Variants in DENND4A observed in about 807,000 individuals in gnomAD.
The protein encoded by DENND4A is DENN domain containing 4A.
Under a neutral mutation model 199.3 loss-of-function variants are expected in DENND4A, and 70 were observed. The ratio of observed to expected loss-of-function variants is 0.35; its 90% CI spans 0.29 to 0.43. DENND4A has a LOEUF of 0.43. Ranked by LOEUF, DENND4A falls within the 20% of genes least tolerant of loss-of-function variation. DENND4A has a pLI of 1.00. For missense variants in DENND4A, 1,723 were observed against 2,255.8 expected (o/e 0.76, Z 4.78); for synonymous variants, 686 against 766.9 (o/e 0.89, Z 1.74).
chr15:65,729,559 G>A lies in DENND4A; in HGVS notation c.1286C>T (p.Thr429Ile). The change falls in exon 10 of 33, where the codon ACT (threonine) becomes ATT (isoleucine). Residue 429 changes from threonine to isoleucine, a missense_variant. Physicochemically the swap from Thr to Ile is moderately conservative, Grantham distance 89. Around this residue, in one of 6 missense-constraint regions of DENND4A, gnomAD observed 725 missense variants for 952.9 expected, o/e 0.76. Transcript: ENST00000443035. Reference protein sequence around the residue: ...LIHSLRPSVLTSVTEALVSMI... With the variant: ...LIHSLRPSVLISVTEALVSMI... ...AGACACTAATGCTTCTGTCACACTA[G>A]TAAGCACGGATGGCCGTAGGGAATG... 1.2e-6 allele frequency: 2 copies of A among 1,609,370 alleles called. No homozygotes were observed. The highest frequency in any genetic ancestry group is 1.7e-6 in the Non-Finnish European group (2 of 1,177,636).
At chr15:65,663,192 A>ATTTTTTTTTTT (rs1233417060) in intron 32 of DENND4A, among the ~76,000 whole-genome samples, 1 of 122,076 alleles carries the variant, frequency 8.2e-6, no homozygotes, top group African/African-American at 3.6e-5. Context: ...ATATATATAT[A>ATTTTTTTTTTT]TATATATTTT....
chr15:65,703,710 TA>T (rs1211506680), intron 15 of DENND4A, among the ~76,000 whole-genome samples: 2 of 152,244 alleles, frequency 1.3e-5, no homozygotes, highest in African/African-American at 4.8e-5. Flanking sequence ...TGCATGCCTA[TA>T]ATCCCAGTTA....
intron 14 of DENND4A, among the ~76,000 whole-genome samples, chr15:65,711,639 C>T (rs2075254575): frequency 6.6e-6 from 1 of 152,158 alleles, no homozygotes; most frequent in Admixed American, 6.5e-5. Flanking sequence ...AAACAATCTA[C>T]TTTCTGGGGT....
At chr15:65,771,653 T>C (rs1007653868) in intron 1 of DENND4A, 2 of 1,611,962 alleles carry the variant, frequency 1.2e-6, no homozygotes, top group African/African-American at 2.7e-5. Context: ...AGCTCTTCCA[T>C]TTGAAAAAGA....
At position 65,690,970 on chromosome 15, in the gene DENND4A, T is replaced by C. The variant is rs1314438829; in HGVS notation, c.3624A>G (p.Ala1208=). The part of the protein sequence containing the change: ...SVKPFEKTDV[A]TGFDPLSLLV... The stretch of plus-strand genomic sequence containing the variant: ...AAAGAGAGAGGGGATCAAATCCTGT[T>C]GCGACATCAGTTTTTTCAAAAGGTT... Residue 1208 remains alanine (A), a synonymous_variant, in exon 23 of 33, where the codon GCA becomes GCG. Transcript: ENST00000443035. 5 of 1,603,840 alleles carry C rather than the reference T, an allele frequency of 3.1e-6. No homozygotes were observed. Among genetic ancestry groups the C allele is most frequent in the Non-Finnish European group, 4.3e-6 (5 of 1,174,610 alleles).
At chr15:65,709,833 T>C (rs2075191903) in intron 14 of DENND4A, among the ~76,000 whole-genome samples, 1 of 151,060 alleles carries the variant, frequency 6.6e-6, no homozygotes, top group Non-Finnish European at 1.5e-5. Context: ...AATTTTCAGT[T>C]TTGATTTTCT....
At chr15:65,740,660 T>C (rs1236615807) in intron 5 of DENND4A, among the ~76,000 whole-genome samples, 1 of 150,252 alleles carries the variant, frequency 6.7e-6, no homozygotes, top group Non-Finnish European at 1.5e-5. Context: ...TGATAAATTG[T>C]AGATCTAAAA....
In DENND4A at chr15:65,729,174, G is replaced by A. The variant is rs1430988163; in HGVS notation, c.1385C>T (p.Ala462Val). The change falls in exon 11 of 33, where the codon GCA becomes GTA. Residue 462 changes from alanine to valine, a missense_variant. Around this residue, in one of 6 missense-constraint regions of DENND4A, gnomAD observed 725 missense variants for 952.9 expected, o/e 0.76. Transcript: ENST00000443035. The part of the protein sequence containing the change: ...CPLALADVLS[A>V]PCPFIVGIDS... ...AATCCCTACTATGAATGGACATGGT[G>A]CACTCAAGACATCTGCTAAAGCCAG... is the stretch of plus-strand genomic sequence containing the variant. 1 of 1,589,344 alleles carries A rather than the reference G, an allele frequency of 6.3e-7. No individual in the cohort carries two copies.
At chr15:65,755,312 G>A (rs2076672546) in intron 3 of DENND4A, among the ~76,000 whole-genome samples, 1 of 152,194 alleles carries the variant, frequency 6.6e-6, no homozygotes, top group African/African-American at 2.4e-5. Flanking sequence ...TTATTGTGGT[G>A]ATGGTTGCAA....
intron 9 of DENND4A, among the ~76,000 whole-genome samples, chr15:65,729,934 T>C (rs188067309): frequency 6.6e-6 from 1 of 152,288 alleles, no homozygotes; most frequent in African/African-American, 2.4e-5. Context: ...GTATTCAATA[T>C]GGAAAATGAA....
At chr15:65,685,807 C>T (rs2076757598) in intron 23 of DENND4A, among the ~76,000 whole-genome samples, 1 of 152,176 alleles carries the variant, frequency 6.6e-6, no homozygotes, top group South Asian at 2.1e-4. Flanking sequence ...ATTGAATTGC[C>T]TTGGCATCTT....
intron 14 of DENND4A, among the ~76,000 whole-genome samples, chr15:65,711,084 G>A (rs1403995507): frequency 6.6e-6 from 1 of 152,174 alleles, no homozygotes; most frequent in African/African-American, 2.4e-5. Context: ...CACAAGAAGG[G>A]CCTAACAGAA....
chr15:65,675,319 C>T (rs911566896), intron 24 of DENND4A, among the ~76,000 whole-genome samples: 2 of 151,838 alleles, frequency 1.3e-5, no homozygotes, highest in Non-Finnish European at 2.9e-5. Context: ...AAGAAGGAAA[C>T]CAGATAAGTA....
At chr15:65,756,881 C>G (rs1056523772) in intron 2 of DENND4A, among the ~76,000 whole-genome samples, 1 of 151,826 alleles carries the variant, frequency 6.6e-6, no homozygotes, top group Non-Finnish European at 1.5e-5. Context: ...ACTAAAAATA[C>G]CAAAAATTAG....
intron 10 of DENND4A, 98 bp from the exon 11 acceptor site, chr15:65,729,345 G>A: frequency 7.2e-7 from 1 of 1,395,944 alleles, no homozygotes; most frequent in South Asian, 1.2e-5. Context: ...ATTATCTAAA[G>A]CCTAATGCCT....
In DENND4A at chr15:65,660,396, C is replaced by G. The variant is rs751127651; in HGVS notation, c.*1455G>C. 3.5e-6 allele frequency: 4 copies of G among 1,156,022 alleles called. No individual in the cohort carries two copies. In the South Asian group the frequency reaches 5.3e-5, roughly 15 times the overall value. The allele number at this position is 1,156,022 out of a possible 1,614,324, so 71.6% of individuals were successfully genotyped here. On this transcript the variant is annotated 3_prime_UTR_variant, in exon 33 of 33. Transcript: ENST00000443035. Reference sequence around the variant, plus strand: ...CTCAGGACTCCAAGATACCTCCAGTCCAAGTGTCGTGGACTCTACTGGCTT... The same window carrying G: ...CTCAGGACTCCAAGATACCTCCAGTGCAAGTGTCGTGGACTCTACTGGCTT...
chr15:65,703,117 A>G, intron 15 of DENND4A, 109 bp from the exon 16 acceptor site: 1 of 971,872 alleles, frequency 1.0e-6, no homozygotes, highest in Middle Eastern at 3.4e-4. Flanking sequence ...TTCACATAGA[A>G]TTTAACTATC....
Position 65,701,901 on chromosome 15 carries a change from A to C in DENND4A, c.2431-11T>G, listed in dbSNP as rs1371739338. On this transcript the variant is annotated splice_polypyrimidine_tract_variant and intron_variant, in intron 17 of 32. Transcript: ENST00000443035. ...AATGCGGTAGCATACCTGAAATACA[A>C]GTTCAAAATTGTACCGAAACACAGA... The C allele has an allele frequency of 6.2e-7, 1 of 1,613,484 alleles. No individual in the cohort carries two copies. The highest frequency in any genetic ancestry group is 1.7e-5 in the Admixed American group (1 of 59,958).
At chr15:65,714,136 G>A (rs2140242433) in intron 14 of DENND4A, among the ~76,000 whole-genome samples, 1 of 152,138 alleles carries the variant, frequency 6.6e-6, no homozygotes, top group East Asian at 1.9e-4. Context: ...CTTTGGCCGG[G>A]TGCAGTGGCT....
Sources: allele counts gnomAD v4.1 joint callset (sites outside exome capture counted in the v4.1 genomes callset), GRCh38; gene constraint gnomAD v4.1.1; regional missense constraint gnomAD v4.1.1; transcripts MANE v1.5; gene names NCBI Gene and HGNC (gene_info 2026-07-23, HGNC 2026-07-21).